Variants in TMPRSS15 observed in about 807,000 individuals in gnomAD.
TMPRSS15 encodes the protein transmembrane serine protease 15, also known as enteropeptidase.
Under a neutral mutation model 125.3 loss-of-function variants are expected in TMPRSS15, and 128 were observed. The ratio of observed to expected loss-of-function variants is 1.02; its 90% CI spans 0.89 to 1.18. The LOEUF is 1.18. Among genes scored for constraint, TMPRSS15 ranks in the 50% most tolerant of loss-of-function variants. The pLI is 0.00. For synonymous variants in TMPRSS15, 446 were observed against 423.2 expected (o/e 1.05, Z -0.66); for missense variants, 1,283 against 1,212.7 (o/e 1.06, Z -0.86).
Position 18,269,705 on chromosome 21 carries a change from A to T in TMPRSS15, c.*264T>A, listed in dbSNP as rs927. On this transcript the variant is annotated 3_prime_UTR_variant, in exon 25 of 25. Transcript: ENST00000284885. ...AATAAAAATAATCATTAAGAATTTT[A>T]AAAATGAGATCTGTGAAGAAATACC... 0.18 allele frequency: 66,074 copies of T among 374,694 alleles called. 6,395 individuals are homozygous for T. The highest frequency in any genetic ancestry group is 0.24 in the African/African-American group (11,692 of 48,284). The allele number at this position is 374,694 out of a possible 1,614,324, so 23.2% of individuals were successfully genotyped here. A position where few individuals can be genotyped will look rare whatever the true frequency, so the allele number is the denominator to read the frequency against.
At chr21:18,481,071 A>T (rs1024856117) in intron 1 of TMPRSS15, among the ~76,000 whole-genome samples, 2 of 151,818 alleles carry the variant, frequency 1.3e-5, no homozygotes, top group Non-Finnish European at 2.9e-5. Flanking sequence ...GATACAATGA[A>T]ATCCAAGCTC....
At chr21:18,271,847 T>G (rs186876134) in intron 24 of TMPRSS15, among the ~76,000 whole-genome samples, 4 of 152,256 alleles carry the variant, frequency 2.6e-5, no homozygotes, top group Non-Finnish European at 5.9e-5. Flanking sequence ...TCTGTTCCTG[T>G]GTTAGTCTGC....
At chr21:18,425,634 G>A (rs963030709) in intron 1 of TMPRSS15, among the ~76,000 whole-genome samples, 2 of 151,902 alleles carry the variant, frequency 1.3e-5, no homozygotes, top group African/African-American at 2.4e-5. Flanking sequence ...AAGTATTTAT[G>A]TATCTGTGTA....
intron 17 of TMPRSS15, among the ~76,000 whole-genome samples, chr21:18,314,033 G>A (rs774704038): frequency 1.3e-5 from 2 of 152,062 alleles, no homozygotes; most frequent in Admixed American, 6.5e-5. Context: ...CAAGCTAAGC[G>A]CGTTCATCAA....
intron 16 of TMPRSS15, among the ~76,000 whole-genome samples, chr21:18,321,349 C>CTTTTTTTTTT (rs751011766): frequency 4.0e-5 from 4 of 100,596 alleles, no homozygotes; most frequent in Admixed American, 1.3e-4. Flanking sequence ...TTTTTTCCTT[C>CTTTTTTTTTT]TTTTTTTTTT....
chr21:18,407,945 G>A (rs1477091589), upstream of TMPRSS15, among the ~76,000 whole-genome samples: 1 of 152,088 alleles, frequency 6.6e-6, no homozygotes. Flanking sequence ...TACCATTTTG[G>A]TAATAGGAAT....
At chr21:18,318,543 CA>C (rs2075198198) in intron 16 of TMPRSS15, among the ~76,000 whole-genome samples, 1 of 152,138 alleles carries the variant, frequency 6.6e-6, no homozygotes, top group South Asian at 2.1e-4. Flanking sequence ...GTTATTAAGC[CA>C]AGGTCTGTGC....
rs1298704546 is a variant in TMPRSS15, at chr21:18,382,320, C to G, written c.496+1307G>C. 3.9e-5 allele frequency among the ~76,000 whole-genome samples: 6 copies of G among 152,236 alleles called. No homozygotes were observed. The East Asian group carries it at 1.2e-3, about 29-fold the overall frequency. ...GTAGTAGTTTTCAGCTCATCTGAAT[C>G]AAAGATTTAAAATAGACAGTCTCTG... is the stretch of plus-strand genomic sequence containing the variant. On this transcript the variant is annotated intron_variant, in intron 4 of 24. Coordinates refer to ENST00000284885, the MANE Select transcript of TMPRSS15 (RefSeq NM_002772.3).
rs2076238705 is a variant in TMPRSS15, at chr21:18,440,386, A to AAG, written c.11-42058_11-42057insCT. 3.0e-5 allele frequency among the ~76,000 whole-genome samples: 4 copies of AAG among 133,530 alleles called. 1 individual carries two copies. Among genetic ancestry groups the AAG allele is most frequent in the Non-Finnish European group, 6.4e-5 (4 of 62,266 alleles). The allele number at this position is 133,530 out of a possible 152,430, so 87.6% of individuals were successfully genotyped here. On this transcript the variant is annotated intron_variant, in intron 1 of 7. Transcript: ENST00000422787. The stretch of plus-strand genomic sequence containing the variant: ...AAACTCCGTCTCAAAAAAAAAAAAA[A>AAG]AAAGAAAACTGTAGTGATGTGTATT...
intron 24 of TMPRSS15, among the ~76,000 whole-genome samples, chr21:18,271,859 G>A (rs1568973199): frequency 1.3e-5 from 2 of 152,170 alleles, no homozygotes; most frequent in African/African-American, 4.8e-5. Context: ...TTAGTCTGCT[G>A]AGGATGATGG....
intron 16 of TMPRSS15, among the ~76,000 whole-genome samples, chr21:18,319,143 T>C (rs1569004994): frequency 6.6e-6 from 1 of 152,164 alleles, no homozygotes; most frequent in East Asian, 1.9e-4. Flanking sequence ...ATTTCAATAG[T>C]GGTTAAGACA....
At chr21:18,299,161 G>T (rs903450233) in intron 18 of TMPRSS15, among the ~76,000 whole-genome samples, 2 of 152,180 alleles carry the variant, frequency 1.3e-5, no homozygotes, top group East Asian at 3.8e-4. Flanking sequence ...TAAAGATTAT[G>T]CTATTCCACC....
rs145575572 is a variant in TMPRSS15 at position 18,475,336 on chromosome 21, G to T, written c.10+10463C>A. Among the ~76,000 whole-genome samples the T allele has an allele frequency of 4.5e-3, 686 of 152,176 alleles. 8 individuals carry two copies. The highest frequency in any genetic ancestry group is 0.016 in the African/African-American group (659 of 41,538). Reference sequence around the variant, plus strand: ...AATAAAAAACAAGTCAGGCAACAGTGGCTCGCAATTTGGGAGGCCAAGGTG... The same window carrying T: ...AATAAAAAACAAGTCAGGCAACAGTTGCTCGCAATTTGGGAGGCCAAGGTG... On this transcript the variant is annotated intron_variant, in intron 1 of 7. Transcript: ENST00000422787.
intron 1 of TMPRSS15, among the ~76,000 whole-genome samples, chr21:18,420,421 T>C (rs1051235607): frequency 1.5e-4 from 18 of 122,294 alleles, no homozygotes; most frequent in African/African-American, 5.3e-4. Context: ...TCTATGTGGC[T>C]AGGGAAAGAT....
intron 17 of TMPRSS15, among the ~76,000 whole-genome samples, chr21:18,314,905 T>C (rs555425398): frequency 6.6e-6 from 1 of 152,304 alleles, no homozygotes; most frequent in African/African-American, 2.4e-5. Context: ...TTTGTTGCTC[T>C]AGAATTACAG....
intron 3 of TMPRSS15, among the ~76,000 whole-genome samples, chr21:18,395,693 T>C (rs2123112628): frequency 6.6e-6 from 1 of 152,316 alleles, no homozygotes; most frequent in South Asian, 2.1e-4. Context: ...TTTAGTGTTA[T>C]TATGATGCCT....
intron 1 of TMPRSS15, among the ~76,000 whole-genome samples, chr21:18,429,620 C>T (rs370507093): frequency 2.0e-5 from 3 of 152,154 alleles, no homozygotes; most frequent in East Asian, 1.9e-4. Context: ...TCTGCTGCCA[C>T]GTAGGAAGTG....
chr21:18,383,801 AG>A, intron 3 of TMPRSS15, 23 bp from the exon 4 acceptor site: 1 of 1,609,524 alleles, frequency 6.2e-7, no homozygotes, highest in Non-Finnish European at 8.5e-7. Context: ...AGAGGATATA[AG>A]AGGAAAAAGT....
At chr21:18,346,448 A>T (rs2075509915) in intron 10 of TMPRSS15, among the ~76,000 whole-genome samples, 1 of 152,218 alleles carries the variant, frequency 6.6e-6, no homozygotes, top group African/African-American at 2.4e-5. Flanking sequence ...TATTTACAAT[A>T]TAACATATTT....
Sources: allele counts gnomAD v4.1 joint callset (sites outside exome capture counted in the v4.1 genomes callset), GRCh38; gene constraint gnomAD v4.1.1; transcripts MANE v1.5; gene names NCBI Gene and HGNC (gene_info 2026-07-23, HGNC 2026-07-21).